The following SUGP2 variants were observed in gnomAD, a reference collection of about 807,000 sequenced individuals.
SUGP2 encodes SURP and G-patch domain-containing protein 2.
Under a neutral mutation model 90.5 loss-of-function variants are expected in SUGP2, and 24 were observed. The observed-to-expected ratio is 0.27, with a 90% CI of 0.19 to 0.37. The LOEUF is 0.37. SUGP2 is among the 10% of genes least tolerant of loss of function. The pLI, the probability that SUGP2 is intolerant of heterozygous loss-of-function variation, is 1.00. For missense variants in SUGP2, 1,233 were observed against 1,363.3 expected (o/e 0.90, Z 1.51); for synonymous variants, 473 against 513.4 (o/e 0.92, Z 1.06).
At chr19:19,002,251 G>A (rs1466466357) in intron 7 of SUGP2, among the ~76,000 whole-genome samples, 1 of 151,974 alleles carries the variant, frequency 6.6e-6, no homozygotes, top group Non-Finnish European at 1.5e-5. Flanking sequence ...GTGGTGGCGG[G>A]AGCCTGCAAT....
chr19:19,031,888 T>A (rs1386466026), intron 1 of SUGP2, among the ~76,000 whole-genome samples: 1 of 147,874 alleles, frequency 6.8e-6, no homozygotes, highest in Non-Finnish European at 1.5e-5. Context: ...GGTCTCGAAC[T>A]CCTGACCTCA....
At chr19:19,014,363 CA>C (rs2058416361) in intron 4 of SUGP2, among the ~76,000 whole-genome samples, 1 of 152,138 alleles carries the variant, frequency 6.6e-6, no homozygotes, top group African/African-American at 2.4e-5. Context: ...GTTCTGTCCA[CA>C]AGGCTCCAGT....
intron 3 of SUGP2, 142 bp from the exon 4 acceptor site, chr19:19,019,371 T>C (rs1428740486): frequency 4.3e-6 from 4 of 921,970 alleles, no homozygotes; most frequent in South Asian, 2.1e-5. Context: ...GACACCAGCA[T>C]TGAAAAGAGG....
At chr19:19,030,802 C>T in intron 2 of SUGP2, 149 bp downstream of exon 2, 1 of 1,014,788 alleles carries the variant, frequency 9.9e-7, no homozygotes, top group Non-Finnish European at 1.4e-6. Context: ...GAAACCAAAC[C>T]AAAATAAAAA....
rs2059277047 is a variant in SUGP2, at chr19:19,033,465, C to G, written c.-40G>C. The stretch of plus-strand genomic sequence containing the variant: ...GAGACCACCGCGCGCGGAGCCACCC[C>G]CGCCGCCGCCTCAGGCTCCTCACCC... On this transcript the variant is annotated 5_prime_UTR_variant, in exon 1 of 11. Transcript: ENST00000452918. The G allele has an allele frequency of 2.1e-6, 3 of 1,401,854 alleles. No individual in the cohort carries two copies. Among genetic ancestry groups the G allele is most frequent in the Non-Finnish European group, 2.8e-6 (3 of 1,077,606 alleles). 86.8% of individuals were successfully genotyped at this position (1,401,854 alleles called of 1,614,324 possible). A position where few individuals can be genotyped will look rare whatever the true frequency, so the allele number is the denominator to read the frequency against.
chr19:19,003,067 G>T (rs1026028310), intron 7 of SUGP2, among the ~76,000 whole-genome samples: 1 of 151,996 alleles, frequency 6.6e-6, no homozygotes. Context: ...CCTCAGTCCC[G>T]CTAAGCTGGG....
intron 6 of SUGP2, among the ~76,000 whole-genome samples, chr19:19,005,384 C>T (rs568172184): frequency 6.6e-6 from 1 of 152,210 alleles, no homozygotes; most frequent in Non-Finnish European, 1.5e-5. Flanking sequence ...CAATAAAATC[C>T]CATTCTGAAT....
Position 18,997,458 on chromosome 19 carries a change from C to G in SUGP2, c.2992-2178G>C, listed in dbSNP as rs567369794. ...AAACAACCTGGAGAGGTGCTGAGAA[C>G]TCAACATGCAGCAAGATGTAGGGGG... is the stretch of plus-strand genomic sequence containing the variant. On this transcript the variant is annotated intron_variant, in intron 8 of 10. Coordinates refer to ENST00000452918, the MANE Select transcript of SUGP2 (RefSeq NM_001017392.5). 1.6e-4 allele frequency among the ~76,000 whole-genome samples: 25 copies of G among 152,234 alleles called. No homozygotes were observed. The South Asian group carries it at 5.2e-3, about 32-fold the overall frequency.
chr19:19,022,630 G>C (rs1326858015), intron 3 of SUGP2, among the ~76,000 whole-genome samples: 1 of 152,208 alleles, frequency 6.6e-6, no homozygotes, highest in Non-Finnish European at 1.5e-5. Context: ...AAGACTGTGG[G>C]AGGGTAAGTG....
upstream of SUGP2, chr19:19,033,526 G>T: frequency 7.2e-7 from 1 of 1,397,046 alleles, no homozygotes; most frequent in Middle Eastern, 2.6e-4. Flanking sequence ...ACATGCAAAT[G>T]AACCAACGGT....
At chr19:19,019,779 CTT>C (rs2058640158) in intron 3 of SUGP2, among the ~76,000 whole-genome samples, 1 of 138,872 alleles carries the variant, frequency 7.2e-6, no homozygotes, top group East Asian at 2.1e-4. Flanking sequence ...AAAAAAAAAA[CTT>C]GTGTTTTGTA....
chr19:18,999,219 G>C (rs1047022506), intron 8 of SUGP2, among the ~76,000 whole-genome samples: 1 of 152,184 alleles, frequency 6.6e-6, no homozygotes, highest in Non-Finnish European at 1.5e-5. Flanking sequence ...TGTGGGCGAG[G>C]TGGAGGTTTG....
intron 2 of SUGP2, among the ~76,000 whole-genome samples, chr19:19,028,985 C>T (rs1257676104): frequency 5.3e-5 from 8 of 152,124 alleles, no homozygotes; most frequent in Non-Finnish European, 1.0e-4. Flanking sequence ...CTGCACCTGG[C>T]CGTCTTTTTT....
intron 3 of SUGP2, among the ~76,000 whole-genome samples, chr19:19,020,211 C>T (rs1032756914): frequency 1.3e-5 from 2 of 151,578 alleles, no homozygotes; most frequent in Non-Finnish European, 2.9e-5. Context: ...AGGCGGATCA[C>T]GAGGTCAGGA....
intron 2 of SUGP2, among the ~76,000 whole-genome samples, chr19:19,028,962 C>T (rs1772012863): frequency 6.6e-6 from 1 of 152,176 alleles, no homozygotes; most frequent in African/African-American, 2.4e-5. Flanking sequence ...GCTGAGATTA[C>T]ATGTGTAAGC....
At chr19:18,995,840 C>T (rs1568373335) in intron 8 of SUGP2, among the ~76,000 whole-genome samples, 1 of 152,138 alleles carries the variant, frequency 6.6e-6, no homozygotes, top group Non-Finnish European at 1.5e-5. Flanking sequence ...GGGTCTGTGT[C>T]TAGCACAGAG....
upstream of SUGP2, chr19:19,033,844 C>G: frequency 3.6e-6 from 1 of 276,464 alleles, no homozygotes; most frequent in East Asian, 7.8e-5. Flanking sequence ...AGCGCCTGCG[C>G]GCGTACGGCG....
intron 8 of SUGP2, 110 bp from the exon 9 acceptor site, chr19:18,995,390 C>A: frequency 7.9e-7 from 1 of 1,262,974 alleles, no homozygotes; most frequent in East Asian, 2.6e-5. Context: ...CTCCTGACTC[C>A]CCAGATGCTC....
intron 3 of SUGP2, among the ~76,000 whole-genome samples, chr19:19,019,991 C>CAAAAAAAA (rs11434968): frequency 3.8e-3 from 133 of 34,772 alleles, no homozygotes; most frequent in African/African-American, 5.9e-3. Flanking sequence ...TGCTAAAATA[C>CAAAAAAAA]AAAAAAAAAA....
Sources: allele counts gnomAD v4.1 joint callset (sites outside exome capture counted in the v4.1 genomes callset), GRCh38; gene constraint gnomAD v4.1.1; transcripts MANE v1.5; gene names NCBI Gene and HGNC (gene_info 2026-07-23, HGNC 2026-07-21).